WWOX: variants seen among roughly 807,000 people sequenced by gnomAD.
The protein encoded by WWOX is WW domain containing oxidoreductase.
A neutral mutation model predicts 46.2 loss-of-function variants in WWOX; 69 were observed. The observed-to-expected ratio is 1.49, with a 90% CI of 1.23 to 1.82. The LOEUF (loss-of-function observed/expected upper bound fraction) is 1.82, where lower values mean the gene tolerates loss of function less well. Ranked by LOEUF, WWOX falls within the 40% of genes most tolerant of loss-of-function variation. WWOX has a pLI of 0.00. For missense variants in WWOX, 919 were observed against 542.6 expected (o/e 1.69, Z -6.89); for synonymous variants, 359 against 202.6 (o/e 1.77, Z -6.56).
intron 8 of WWOX, among the ~76,000 whole-genome samples, chr16:78,982,474 G>C (rs76612794): frequency 4.2e-4 from 64 of 152,344 alleles, no homozygotes; most frequent in African/African-American, 1.5e-3. Flanking sequence ...TCTGCAGACA[G>C]ACTTGTGTTA....
chr16:78,824,729 A>G (rs2051601442), intron 8 of WWOX, among the ~76,000 whole-genome samples: 1 of 152,158 alleles, frequency 6.6e-6, no homozygotes, highest in African/African-American at 2.4e-5. Flanking sequence ...AGGATAGCGC[A>G]GGAAAGACCG....
intron 6 of WWOX, among the ~76,000 whole-genome samples, chr16:78,396,005 A>C (rs2082277022): frequency 2.0e-5 from 3 of 152,166 alleles, no homozygotes; most frequent in Non-Finnish European, 4.4e-5. Context: ...AGGAATCCTT[A>C]AGTACAGTGG....
At chr16:79,096,137 G>A (rs904173696) in intron 8 of WWOX, among the ~76,000 whole-genome samples, 31 of 150,728 alleles carry the variant, frequency 2.1e-4, no homozygotes, top group Admixed American at 2.0e-3. Flanking sequence ...CAAAGTGCTG[G>A]GATTACAGGC....
At chr16:78,976,885 G>T (rs559795742) in intron 8 of WWOX, among the ~76,000 whole-genome samples, 1 of 152,138 alleles carries the variant, frequency 6.6e-6, no homozygotes, top group Non-Finnish European at 1.5e-5. Context: ...TATGCACGCC[G>T]CACTCCACCT....
intron 8 of WWOX, among the ~76,000 whole-genome samples, chr16:79,014,612 G>A (rs1006436787): frequency 6.6e-6 from 1 of 152,150 alleles, no homozygotes; most frequent in Non-Finnish European, 1.5e-5. Flanking sequence ...TTTTTGAGCA[G>A]CTACTCAGTG....
At chr16:79,074,273 G>C (rs1236495284) in intron 8 of WWOX, among the ~76,000 whole-genome samples, 1 of 151,954 alleles carries the variant, frequency 6.6e-6, no homozygotes, top group Non-Finnish European at 1.5e-5. Context: ...CAAATGTCAG[G>C]AACCTGGGTT....
At position 78,341,836 on chromosome 16, in the gene WWOX, A is replaced by C. The variant is rs2081020746; in HGVS notation, c.517-45024A>C. The stretch of plus-strand genomic sequence containing the variant: ...AGAGGAATATTTATGGAAGGTTAAC[A>C]GGGCATGGTGGTGCACACCTGTAAT... On this transcript the variant is annotated intron_variant, in intron 5 of 8. Transcript: ENST00000566780. 2.5e-5 allele frequency among the ~76,000 whole-genome samples: 3 copies of C among 120,854 alleles called. 1 individual carries two copies. The highest frequency in any genetic ancestry group is 8.4e-5 in the African/African-American group (3 of 35,702). 79.3% of individuals were successfully genotyped at this position (120,854 alleles called of 152,430 possible). A position where few individuals can be genotyped will look rare whatever the true frequency, so the allele number is the denominator to read the frequency against.
intron 8 of WWOX, chr16:78,551,132 C>G (rs769871306): frequency 1.3e-5 from 2 of 151,958 alleles, no homozygotes; most frequent in African/African-American, 2.4e-5. Flanking sequence ...AAACAGATAT[C>G]CAGTATATTC....
intron 8 of WWOX, among the ~76,000 whole-genome samples, chr16:78,818,266 C>T (rs190908345): frequency 5.3e-5 from 8 of 152,238 alleles, no homozygotes; most frequent in African/African-American, 9.6e-5. Context: ...CACATCAGAG[C>T]CCATCTACTT....
chr16:78,934,697 A>C (rs2045699440), intron 8 of WWOX, among the ~76,000 whole-genome samples: 1 of 152,138 alleles, frequency 6.6e-6, no homozygotes, highest in Non-Finnish European at 1.5e-5. Flanking sequence ...CCCAGCATTT[A>C]AACTCTTATT....
chr16:78,951,795 G>A (rs1326337846), intron 8 of WWOX, among the ~76,000 whole-genome samples: 5 of 152,170 alleles, frequency 3.3e-5, no homozygotes, highest in Non-Finnish European at 5.9e-5. Flanking sequence ...CAGCCAGGAT[G>A]GTGGCTTGCA....
intron 8 of WWOX, among the ~76,000 whole-genome samples, chr16:78,650,063 G>A (rs982728069): frequency 6.6e-5 from 10 of 152,040 alleles, no homozygotes; most frequent in Admixed American, 5.2e-4. Flanking sequence ...TGTAACTGTC[G>A]TAGCAGCTAG....
intron 8 of WWOX, among the ~76,000 whole-genome samples, chr16:78,742,090 A>G (rs1385837795): frequency 6.6e-6 from 1 of 152,208 alleles, no homozygotes; most frequent in Non-Finnish European, 1.5e-5. Context: ...AAAACATAGT[A>G]GCCCCTATTT....
At chr16:78,625,949 C>A (rs562447507) in intron 8 of WWOX, among the ~76,000 whole-genome samples, 1 of 150,024 alleles carries the variant, frequency 6.7e-6, no homozygotes, top group Non-Finnish European at 1.5e-5. Flanking sequence ...TAAAAGTAAT[C>A]GCAGTTTTTG....
At chr16:78,872,950 A>C (rs2293892) in intron 8 of WWOX, 5,129 of 152,064 alleles carry the variant, frequency 0.034, 230 homozygotes, top group East Asian at 0.25. Flanking sequence ...GGTATATTTC[A>C]CCATGCCTGG....
At chr16:78,463,058 C>T (rs1296183721) in intron 8 of WWOX, among the ~76,000 whole-genome samples, 1 of 152,160 alleles carries the variant, frequency 6.6e-6, no homozygotes, top group African/African-American at 2.4e-5. Context: ...GTTTTATTTG[C>T]CTTTGCTGAG....
intron 8 of WWOX, among the ~76,000 whole-genome samples, chr16:79,005,745 T>G (rs2047177845): frequency 6.6e-6 from 1 of 152,222 alleles, no homozygotes; most frequent in Non-Finnish European, 1.5e-5. Flanking sequence ...TAAGTCCATC[T>G]GCAAAGACCC....
intron 8 of WWOX, among the ~76,000 whole-genome samples, chr16:79,050,748 A>G (rs752059876): frequency 3.2e-4 from 49 of 152,192 alleles, no homozygotes; most frequent in Non-Finnish European, 5.7e-4. Context: ...AGGAGGTAAG[A>G]GAGGAAGTGA....
At chr16:78,556,987 G>C (rs1321406669) in intron 8 of WWOX, among the ~76,000 whole-genome samples, 1 of 152,066 alleles carries the variant, frequency 6.6e-6, no homozygotes, top group Non-Finnish European at 1.5e-5. Context: ...CCAAAGTGCA[G>C]GGATTAAGGC....
Sources: gnomAD v4.1 joint callset for allele counts (sites outside exome capture counted in the v4.1 genomes callset) on GRCh38, gnomAD v4.1.1 for gene constraint, MANE v1.5 for transcripts, NCBI Gene and HGNC (gene_info 2026-07-23, HGNC 2026-07-21) for gene names.